UBR1: variants seen among roughly 807,000 people sequenced by gnomAD.
UBR1 encodes the protein ubiquitin protein ligase E3 component n-recognin 1.
In UBR1, 102 loss-of-function variants were observed where a neutral mutation model predicts 242.1. That is an observed-to-expected ratio of 0.42 (90% CI 0.36 to 0.50). The LOEUF is 0.50. UBR1 is among the 20% of genes least tolerant of loss of function. The pLI, the probability that UBR1 is intolerant of heterozygous loss-of-function variation, is 0.01. For missense variants in UBR1, 1,772 were observed against 2,101.8 expected (o/e 0.84, Z 3.07); for synonymous variants, 675 against 684.8 (o/e 0.99, Z 0.22).
chr15:43,067,717 T>C (rs1014491406), intron 6 of UBR1, among the ~76,000 whole-genome samples, 181 bp downstream of exon 6: 5 of 152,186 alleles, frequency 3.3e-5, no homozygotes, highest in Admixed American at 3.3e-4. Flanking sequence ...AAGTTATAAA[T>C]AGTTATTTAA....
chr15:43,050,475 C>T (rs1053125150), intron 12 of UBR1, among the ~76,000 whole-genome samples: 1 of 152,058 alleles, frequency 6.6e-6, no homozygotes, highest in Non-Finnish European at 1.5e-5. Context: ...TTTAAGAGGC[C>T]GAGGTGGGCA....
At chr15:42,961,567 C>T (rs985100439) in intron 42 of UBR1, among the ~76,000 whole-genome samples, 4 of 151,802 alleles carry the variant, frequency 2.6e-5, no homozygotes, top group African/African-American at 9.7e-5. Flanking sequence ...GGATTACAGG[C>T]ATGCGCCACC....
At chr15:43,025,677 C>T in intron 23 of UBR1, 1 of 473,152 alleles carries the variant, frequency 2.1e-6, no homozygotes, top group Non-Finnish European at 3.8e-6. Context: ...TACCCAGTAC[C>T]TATTATGCAC....
intron 4 of UBR1, among the ~76,000 whole-genome samples, chr15:43,071,186 G>A (rs2033819985): frequency 1.3e-5 from 2 of 152,130 alleles, no homozygotes; most frequent in Non-Finnish European, 2.9e-5. Flanking sequence ...TCTTATGAAT[G>A]TTCCTACCTG....
chr15:43,101,352 C>T (rs989545843), intron 1 of UBR1, among the ~76,000 whole-genome samples: 1 of 152,118 alleles, frequency 6.6e-6, no homozygotes, highest in Non-Finnish European at 1.5e-5. Flanking sequence ...AGCAAACAGA[C>T]CAGTTAGGAA....
At chr15:43,071,074 A>G in intron 4 of UBR1, 149 bp from the exon 5 acceptor site, 1 of 1,120,178 alleles carries the variant, frequency 8.9e-7, no homozygotes, top group South Asian at 1.4e-5. Context: ...GAGGGTTGCT[A>G]TATATTTAGA....
chr15:43,054,686 C>A, intron 12 of UBR1, 56 bp downstream of exon 12: 5 of 1,590,816 alleles, frequency 3.1e-6, no homozygotes, highest in Non-Finnish European at 4.3e-6. Flanking sequence ...TAAGACACAG[C>A]AAATAAGCAC....
At chr15:42,970,867 C>T (rs1203494850) in intron 39 of UBR1, among the ~76,000 whole-genome samples, 2 of 152,148 alleles carry the variant, frequency 1.3e-5, no homozygotes, top group Non-Finnish European at 2.9e-5. Flanking sequence ...GGATTACAGG[C>T]GTATGCCACC....
intron 5 of UBR1, among the ~76,000 whole-genome samples, chr15:43,070,248 T>TAAAAAA: frequency 4.0e-5 from 1 of 25,234 alleles, no homozygotes. Context: ...GAGTTCTAGC[T>TAAAAAA]AAAAAAAAAA....
At position 42,952,268 on chromosome 15, in the gene UBR1, C is replaced by T; in HGVS notation, c.5006+10G>A. 1 of 1,614,160 alleles carries T rather than the reference C, an allele frequency of 6.2e-7. No individual in the cohort carries two copies. Among genetic ancestry groups the T allele is most frequent in the South Asian group, 1.1e-5 (1 of 91,084 alleles). ...TTCATCATGAAGCTTCCAGAACACT[C>T]ACTACTCACTTTAGGAAAATGCAGA... On this transcript the variant is annotated intron_variant, in intron 45 of 46. Transcript: ENST00000290650.
chr15:43,090,582 A>G (rs1330375608), intron 1 of UBR1, among the ~76,000 whole-genome samples: 1 of 152,086 alleles, frequency 6.6e-6, no homozygotes, highest in Non-Finnish European at 1.5e-5. Flanking sequence ...GTTCTATGTT[A>G]TACCTAAGGT....
chr15:42,954,421 G>A lies in UBR1; in HGVS notation c.4836-1973C>T, dbSNP rs1480929972. ...TTTATACTGTAACAGTGGCTAGGGT[G>A]TGAGCTACTGAAGACCCTATTGGGC... On this transcript the variant is annotated intron_variant, in intron 44 of 46. Coordinates refer to ENST00000290650, the MANE Select transcript of UBR1 (RefSeq NM_174916.3). Among the ~76,000 whole-genome samples, 3 of 152,250 alleles carry A rather than the reference G, an allele frequency of 2.0e-5. 1 individual carries two copies. The highest frequency in any genetic ancestry group is 3.9e-4 in the East Asian group (2 of 5,184).
rs1349391631 is a variant in UBR1 at position 42,977,842 on chromosome 15, C to T, written c.4218+38G>A. 3 of 1,509,256 alleles carry T rather than the reference C, an allele frequency of 2.0e-6. No homozygotes were observed. In the East Asian group the frequency reaches 6.8e-5, roughly 34 times the overall value. The allele number at this position is 1,509,256 out of a possible 1,614,324, so 93.5% of individuals were successfully genotyped here. On this transcript the variant is annotated intron_variant, in intron 38 of 46. Coordinates refer to ENST00000290650, the MANE Select transcript of UBR1 (RefSeq NM_174916.3). Reference sequence around the variant, plus strand: ...AAATGAGGAAAATACAAGAAATTATCAACATGAGTGACTTAAACAAAATTA... The same window carrying T: ...AAATGAGGAAAATACAAGAAATTATTAACATGAGTGACTTAAACAAAATTA...
At chr15:43,022,416 A>C (rs552119164) in intron 26 of UBR1, among the ~76,000 whole-genome samples, 1 of 152,106 alleles carries the variant, frequency 6.6e-6, no homozygotes, top group East Asian at 1.9e-4. Context: ...GAAAGTTAAA[A>C]AATACCAATA....
intron 1 of UBR1, among the ~76,000 whole-genome samples, chr15:43,104,411 A>C (rs2034272742): frequency 6.6e-6 from 1 of 152,168 alleles, no homozygotes; most frequent in Non-Finnish European, 1.5e-5. Context: ...ACTACCATTA[A>C]AATGTTTCAG....
rs1044592399 is a variant in UBR1 at position 43,058,502 on chromosome 15, T to C, written c.1094-73A>G. 6.3e-6 allele frequency: 6 copies of C among 958,016 alleles called. No homozygotes were observed. The African/African-American group carries it at 9.8e-5, about 16-fold the overall frequency. The allele number at this position is 958,016 out of a possible 1,614,324, so 59.3% of individuals were successfully genotyped here. A position where few individuals can be genotyped will look rare whatever the true frequency, so the allele number is the denominator to read the frequency against. On this transcript the variant is annotated intron_variant, in intron 9 of 46. Coordinates refer to ENST00000290650, the MANE Select transcript of UBR1 (RefSeq NM_174916.3). ...GCAAAAACCAAAAACATTCTGGCTA[T>C]TAGAGTGGCAGAATATTATAAAATT...
At chr15:42,966,414 C>T in intron 40 of UBR1, 128 bp from the exon 41 acceptor site, 1 of 1,347,918 alleles carries the variant, frequency 7.4e-7, no homozygotes, top group East Asian at 2.5e-5. Context: ...AATTTTTAAA[C>T]ATTTAAAACA....
chr15:42,987,582 C>T (rs1335984025), intron 35 of UBR1, among the ~76,000 whole-genome samples: 3 of 151,812 alleles, frequency 2.0e-5, no homozygotes, highest in East Asian at 3.9e-4. Context: ...GGCGTGGTGG[C>T]GTGCACCTGT....
chr15:43,046,079 G>C (rs545689584), intron 14 of UBR1, among the ~76,000 whole-genome samples: 1 of 152,284 alleles, frequency 6.6e-6, no homozygotes, highest in Non-Finnish European at 1.5e-5. Context: ...GAAGTGTTAG[G>C]AGCTATAAGT....
Sources: allele counts gnomAD v4.1 joint callset (sites outside exome capture counted in the v4.1 genomes callset), GRCh38; gene constraint gnomAD v4.1.1; transcripts MANE v1.5; gene names NCBI Gene and HGNC (gene_info 2026-07-23, HGNC 2026-07-21).